The following CPLANE1 variants were observed in gnomAD, a reference collection of about 807,000 sequenced individuals.
The protein encoded by CPLANE1 is ciliogenesis and planar polarity effector 1.
Under a neutral mutation model 362.5 loss-of-function variants are expected in CPLANE1, and 263 were observed. The ratio of observed to expected loss-of-function variants is 0.73; its 90% CI spans 0.66 to 0.80. The LOEUF (loss-of-function observed/expected upper bound fraction) is 0.80. Ranked by LOEUF, CPLANE1 falls within the 30% of genes least tolerant of loss-of-function variation. CPLANE1 has a pLI of 0.00. For missense variants in CPLANE1, 3,461 were observed against 3,793.4 expected, an observed-to-expected ratio of 0.91 and a Z score of 2.30; for synonymous variants, 1,212 against 1,302.6, an observed-to-expected ratio of 0.93 and a Z score of 1.50.
chr5:37,093,393 C>T, the CPLANE1 span, among the ~76,000 whole-genome samples: 1 of 152,108 alleles, frequency 6.6e-6, no homozygotes, highest in African/African-American at 2.4e-5. Flanking sequence ...CACTTCTCTA[C>T]CATGGAATCA....
At chr5:37,210,442 A>G in intron 16 of CPLANE1, 1 of 1,035,706 alleles carries the variant, frequency 9.7e-7, no homozygotes, top group African/African-American at 1.6e-5. Flanking sequence ...CTAAAGGACG[A>G]CTACATCATT....
chr5:37,123,524 A>T (rs1258694513), intron 47 of CPLANE1, among the ~76,000 whole-genome samples: 1 of 152,208 alleles, frequency 6.6e-6, no homozygotes, highest in South Asian at 2.1e-4. Context: ...TCTATAAACC[A>T]AGCAGTTCTT....
Position 37,148,211 on chromosome 5 carries a change from CTAA to C in CPLANE1, c.8428_8430del (p.Leu2810del). Reference sequence around the variant, plus strand: ...TCAGAAATGCTAATGGTTTTTGAAGCTAATGTTTTTTTGAATTCAGGGCCAGAA... The same window carrying C: ...TCAGAAATGCTAATGGTTTTTGAAGCTGTTTTTTTGAATTCAGGGCCAGAA... On this transcript the variant is annotated inframe_deletion, in exon 43 of 53. Transcript: ENST00000651892. 1 of 1,612,946 alleles carries C rather than the reference CTAA, an allele frequency of 6.2e-7. No homozygotes were observed. Among genetic ancestry groups the C allele is most frequent in the Non-Finnish European group, 8.5e-7 (1 of 1,179,370 alleles).
the CPLANE1 span, among the ~76,000 whole-genome samples, chr5:37,082,804 C>A: frequency 2.0e-5 from 3 of 150,066 alleles, no homozygotes; most frequent in East Asian, 5.8e-4. Context: ...AGTAGCTATA[C>A]TTAGATGAAA....
chr5:37,191,596 G>A (rs1393861057), intron 21 of CPLANE1, among the ~76,000 whole-genome samples: 2 of 152,112 alleles, frequency 1.3e-5, no homozygotes, highest in African/African-American at 2.4e-5. Flanking sequence ...GCCTGAACCC[G>A]GGAGGCAGAG....
intron 46 of CPLANE1, among the ~76,000 whole-genome samples, chr5:37,138,025 T>C (rs1427848388): frequency 6.6e-6 from 1 of 152,120 alleles, no homozygotes; most frequent in Admixed American, 6.5e-5. Context: ...CTGTGGTTGA[T>C]GGGTGGAGCG....
At chr5:37,222,542 T>G (rs1795581978) in intron 14 of CPLANE1, among the ~76,000 whole-genome samples, 1 of 152,234 alleles carries the variant, frequency 6.6e-6, no homozygotes, top group African/African-American at 2.4e-5. Context: ...TCTTTCTCTG[T>G]TGAAGCCACT....
chr5:37,248,276 C>A (rs1304131357), intron 1 of CPLANE1, among the ~76,000 whole-genome samples: 1 of 151,512 alleles, frequency 6.6e-6, no homozygotes, highest in Non-Finnish European at 1.5e-5. Context: ...TACAGGCATG[C>A]ACCACCACAC....
At chr5:37,078,995 G>C in the CPLANE1 span, among the ~76,000 whole-genome samples, 1 of 152,180 alleles carries the variant, frequency 6.6e-6, no homozygotes, top group Admixed American at 6.5e-5. Flanking sequence ...CTCCCATTCT[G>C]TAAGTTGTCT....
At chr5:37,245,312 T>C (rs1255628271) in intron 4 of CPLANE1, among the ~76,000 whole-genome samples, 167 bp downstream of exon 4, 4 of 51,290 alleles carry the variant, frequency 7.8e-5, no homozygotes, top group Non-Finnish European at 1.2e-4. Flanking sequence ...TATATATATA[T>C]ATATATATAT....
chr5:37,140,549 A>T, intron 44 of CPLANE1: 1 of 985,422 alleles, frequency 1.0e-6, no homozygotes, highest in Non-Finnish European at 1.2e-6. Context: ...CTATGTACTT[A>T]GGAAAGAGAA....
chr5:37,092,220 C>T, the CPLANE1 span, among the ~76,000 whole-genome samples: 28 of 152,314 alleles, frequency 1.8e-4, no homozygotes, highest in African/African-American at 6.7e-4. Flanking sequence ...TGGGGTCCCT[C>T]AGTAATGGCA....
At chr5:37,229,123 G>C (rs1797109595) in intron 9 of CPLANE1, among the ~76,000 whole-genome samples, 1 of 151,114 alleles carries the variant, frequency 6.6e-6, no homozygotes, top group African/African-American at 2.4e-5. Context: ...AGGAGGCTGA[G>C]GCAGAATTTC....
chr5:37,142,637 A>ATGGG (rs1770131080), intron 43 of CPLANE1, 157 bp from the exon 44 acceptor site: 1 of 458,506 alleles, frequency 2.2e-6, no homozygotes, highest in African/African-American at 2.0e-5. Flanking sequence ...AATTTAATAA[A>ATGGG]AAATTTGAAG....
At chr5:37,225,669 T>C (rs1238294842) in intron 12 of CPLANE1, among the ~76,000 whole-genome samples, 1 of 151,900 alleles carries the variant, frequency 6.6e-6, no homozygotes, top group Non-Finnish European at 1.5e-5. Flanking sequence ...CTGGCCAACA[T>C]GGTGAAACCC....
chr5:37,196,532 C>T (rs982329728), intron 20 of CPLANE1, among the ~76,000 whole-genome samples: 2 of 152,062 alleles, frequency 1.3e-5, no homozygotes, highest in Non-Finnish European at 2.9e-5. Flanking sequence ...GGGTGTGACA[C>T]GATCCAAACT....
At chr5:37,091,704 AT>A in the CPLANE1 span, among the ~76,000 whole-genome samples, 8 of 152,234 alleles carry the variant, frequency 5.3e-5, no homozygotes, top group Non-Finnish European at 1.0e-4. Context: ...ACAGTAATGA[AT>A]GGTGTGATCC....
chr5:37,185,166 G>T, intron 24 of CPLANE1, 87 bp from the exon 25 acceptor site: 1 of 1,220,032 alleles, frequency 8.2e-7, no homozygotes, highest in Non-Finnish European at 1.1e-6. Context: ...CCCTCCTGGG[G>T]ACAAGAAACC....
the CPLANE1 span, among the ~76,000 whole-genome samples, chr5:37,077,650 G>A: frequency 5.8e-4 from 60 of 103,952 alleles, no homozygotes; most frequent in African/African-American, 2.3e-3. Flanking sequence ...GTCTCGCTCT[G>A]TTACCCAGGC....
Sources: allele counts gnomAD v4.1 joint callset (sites outside exome capture counted in the v4.1 genomes callset), GRCh38; gene constraint gnomAD v4.1.1; transcripts MANE v1.5; gene names NCBI Gene and HGNC (gene_info 2026-07-23, HGNC 2026-07-21).